The following GLI2 variants were observed in gnomAD, a reference collection of about 807,000 sequenced individuals.
The protein encoded by GLI2 is GLI family zinc finger 2.
In GLI2, 22 loss-of-function variants were observed where a neutral mutation model predicts 78.9. The observed-to-expected ratio is 0.28, with a 90% confidence interval of 0.20 to 0.40. The LOEUF (loss-of-function observed/expected upper bound fraction) is 0.40, where lower values mean the gene tolerates loss of function less well. Ranked by LOEUF, GLI2 falls within the 10% of genes least tolerant of loss-of-function variation. GLI2 has a pLI of 1.00. For missense variants in GLI2, 2,097 were observed against 2,213.2 expected, an observed-to-expected ratio of 0.95 and a Z score of 1.05; for synonymous variants, 974 against 963.7, an observed-to-expected ratio of 1.01 and a Z score of -0.20.
At chr2:120,936,134 C>CG (rs906360918) in intron 3 of GLI2, among the ~76,000 whole-genome samples, 1 of 152,122 alleles carries the variant, frequency 6.6e-6, no homozygotes, top group African/African-American at 2.4e-5. Flanking sequence ...GGGTTGAGGC[C>CG]GGGGCTCACA....
At chr2:120,824,929 G>A (rs1685970424) in intron 2 of GLI2, among the ~76,000 whole-genome samples, 2 of 152,118 alleles carry the variant, frequency 1.3e-5, no homozygotes, top group African/African-American at 4.8e-5. Context: ...TCGACCACCC[G>A]GGCTCAAGCA....
Position 120,984,477 on chromosome 2 carries a change from T to C in GLI2, c.1639T>C (p.Tyr547His). The stretch of plus-strand genomic sequence containing the variant: ...GGCCTGCTTCTCTCCCCAGAAACCC[T>C]ACATCTGCAAGATCCCAGGCTGCAC... Reference protein sequence around the residue: ...QNRTHSNEKPYICKIPGCTKR... With the variant: ...QNRTHSNEKPHICKIPGCTKR... The change falls in exon 12 of 14, where the codon TAC (tyrosine) becomes CAC (histidine). Residue 547 changes from tyrosine (Y) to histidine (H), a missense_variant. Tyr to His is a moderately conservative substitution (Grantham distance 83). Around this residue, in one of 5 missense-constraint regions of GLI2, gnomAD observed 104 missense variants for 190.6 expected, o/e 0.55. Coordinates refer to ENST00000361492, the MANE Select transcript of GLI2 (RefSeq NM_001374353.1). 1 of 1,614,048 alleles carries C rather than the reference T, an allele frequency of 6.2e-7. No homozygotes were observed. Among genetic ancestry groups the C allele is most frequent in the Non-Finnish European group, 8.5e-7 (1 of 1,179,990 alleles).
At chr2:120,937,164 G>A (rs1304535536) in intron 3 of GLI2, among the ~76,000 whole-genome samples, 2 of 152,164 alleles carry the variant, frequency 1.3e-5, no homozygotes, top group Non-Finnish European at 2.9e-5. Context: ...GTTCCTCTGA[G>A]GACACTCACC....
intron 2 of GLI2, among the ~76,000 whole-genome samples, chr2:120,909,421 T>C (rs1257067478): frequency 6.6e-6 from 1 of 152,176 alleles, no homozygotes; most frequent in African/African-American, 2.4e-5. Flanking sequence ...TGTCCCTTGC[T>C]GTGAACTGTC....
At chr2:120,753,820 C>T (rs926660194) in intron 1 of GLI2, among the ~76,000 whole-genome samples, 2 of 151,824 alleles carry the variant, frequency 1.3e-5, no homozygotes, top group African/African-American at 4.8e-5. Flanking sequence ...ATGGCGGAAA[C>T]CCGGGAGGCG....
Position 120,989,252 on chromosome 2 carries a change from C to T in GLI2, c.3287C>T (p.Ala1096Val). ...CACGGCCAGCGCAGGATGGTGGCTGCGGACTCCAACGTGGGCCCCTCCGCC... is the reference window on the plus strand; with the variant it reads ...CACGGCCAGCGCAGGATGGTGGCTGTGGACTCCAACGTGGGCCCCTCCGCC... ...GLHGQRRMVA[A>V]DSNVGPSAPM... The change falls in exon 14 of 14, where the codon GCG (alanine) becomes GTG (valine). Residue 1096 changes from alanine to valine, a missense_variant. Coordinates refer to ENST00000361492, the MANE Select transcript of GLI2 (RefSeq NM_001374353.1). 1 of 1,613,130 alleles carries T rather than the reference C, an allele frequency of 6.2e-7. No individual in the cohort carries two copies. Among genetic ancestry groups the T allele is most frequent in the Non-Finnish European group, 8.5e-7 (1 of 1,180,024 alleles).
intron 9 of GLI2, 113 bp from the exon 10 acceptor site, chr2:120,978,321 C>T (rs1389220244): frequency 4.4e-6 from 5 of 1,140,374 alleles, no homozygotes; most frequent in Non-Finnish European, 5.3e-6. Flanking sequence ...ATGGTCTGCA[C>T]ACAGGTCGGG....
At chr2:120,740,120 A>G (rs1288033161) in intron 1 of GLI2, among the ~76,000 whole-genome samples, 1 of 152,018 alleles carries the variant, frequency 6.6e-6, no homozygotes, top group Non-Finnish European at 1.5e-5. Flanking sequence ...AAAAAAAATC[A>G]TTGATTATTA....
intron 3 of GLI2, among the ~76,000 whole-genome samples, chr2:120,943,107 C>T (rs1378386465): frequency 6.6e-6 from 1 of 152,224 alleles, no homozygotes; most frequent in Non-Finnish European, 1.5e-5. Context: ...GGCCTGTGAG[C>T]TCACAGCTGA....
At chr2:120,759,742 C>T (rs575318786) in intron 1 of GLI2, among the ~76,000 whole-genome samples, 4 of 152,116 alleles carry the variant, frequency 2.6e-5, no homozygotes, top group Admixed American at 6.5e-5. Flanking sequence ...CCCCTGTCCC[C>T]GCCCCCGAGG....
chr2:120,806,255 G>T (rs1684944883), intron 2 of GLI2, among the ~76,000 whole-genome samples: 1 of 152,184 alleles, frequency 6.6e-6, no homozygotes, highest in Non-Finnish European at 1.5e-5. Flanking sequence ...CCTGCATTTG[G>T]TGGGGGCTGT....
intron 3 of GLI2, among the ~76,000 whole-genome samples, chr2:120,933,185 G>A (rs1680026335): frequency 6.6e-6 from 1 of 152,116 alleles, no homozygotes; most frequent in Non-Finnish European, 1.5e-5. Context: ...TGTGAGGACA[G>A]CCTTGCAGCC....
intron 2 of GLI2, among the ~76,000 whole-genome samples, chr2:120,821,587 A>C (rs568107869): frequency 6.6e-6 from 1 of 151,902 alleles, no homozygotes; most frequent in Admixed American, 6.6e-5. Context: ...GGGGACCTGC[A>C]CTCTCAGTGG....
intron 1 of GLI2, among the ~76,000 whole-genome samples, chr2:120,780,927 G>A (rs1283627306): frequency 2.0e-5 from 3 of 152,154 alleles, no homozygotes; most frequent in Admixed American, 6.5e-5. Flanking sequence ...GAACGTCAGG[G>A]TCATAGTCGT....
intron 3 of GLI2, among the ~76,000 whole-genome samples, chr2:120,929,180 T>G (rs148283366): frequency 6.6e-6 from 1 of 152,328 alleles, no homozygotes; most frequent in African/African-American, 2.4e-5. Flanking sequence ...AATAATACTA[T>G]AAAAGTGATG....
chr2:120,978,157 T>G (rs1217484100), intron 9 of GLI2, among the ~76,000 whole-genome samples: 1 of 152,196 alleles, frequency 6.6e-6, no homozygotes, highest in Non-Finnish European at 1.5e-5. Context: ...CGGCACGCAG[T>G]AGGCCTTCAT....
chr2:120,989,793 C>T lies in GLI2; in HGVS notation c.3828C>T (p.Thr1276=). 3 of 1,610,572 alleles carry T rather than the reference C, an allele frequency of 1.9e-6. No individual in the cohort carries two copies. Among genetic ancestry groups the T allele is most frequent in the Non-Finnish European group, 2.5e-6 (3 of 1,178,288 alleles). The change falls in exon 14 of 14, where the codon ACC becomes ACT. Residue 1276 remains threonine (T), a synonymous_variant. Coordinates refer to ENST00000361492, the MANE Select transcript of GLI2 (RefSeq NM_001374353.1). ...PQQTEVAPDP[T]TMGNRHRELG... is the part of the protein sequence containing the mutation. The stretch of plus-strand genomic sequence containing the variant: ...AGACAGAAGTGGCACCTGACCCCAC[C>T]ACGATGGGCAATCGCCACAGGGAAC...
chr2:120,808,814 A>G (rs567537156), intron 2 of GLI2, among the ~76,000 whole-genome samples: 177 of 152,280 alleles, frequency 1.2e-3, no homozygotes, highest in Middle Eastern at 3.4e-3. Flanking sequence ...GCATGTGGGC[A>G]GCGGGCTGCT....
At chr2:120,754,006 G>A (rs560763432) in intron 1 of GLI2, among the ~76,000 whole-genome samples, 1 of 151,794 alleles carries the variant, frequency 6.6e-6, no homozygotes, top group Non-Finnish European at 1.5e-5. Context: ...TTGTGTTTAT[G>A]TTTATAGATT....
Sources: gnomAD v4.1 joint callset for allele counts (sites outside exome capture counted in the v4.1 genomes callset) on GRCh38, gnomAD v4.1.1 for gene constraint, gnomAD v4.1.1 regional missense constraint, MANE v1.5 for transcripts, NCBI Gene and HGNC (gene_info 2026-07-23, HGNC 2026-07-21) for gene names.